The following LRRIQ1 variants were observed in gnomAD, a reference collection of about 807,000 sequenced individuals.
LRRIQ1 encodes leucine-rich repeat- and IQ domain-containing protein 1.
In LRRIQ1, 210 loss-of-function variants were observed where a neutral mutation model predicts 211.9. That is an observed-to-expected ratio of 0.99 (90% confidence interval 0.89 to 1.11). The LOEUF is 1.11. Among genes scored for constraint, LRRIQ1 ranks in the 50% most tolerant of loss-of-function variants. LRRIQ1 has a pLI of 0.00. For missense variants in LRRIQ1, 2,136 were observed against 1,939.5 expected, an observed-to-expected ratio of 1.10 and a Z score of -1.90; for synonymous variants, 699 against 650.1, an observed-to-expected ratio of 1.08 and a Z score of -1.14.
intron 19 of LRRIQ1, among the ~76,000 whole-genome samples, chr12:85,143,443 T>C (rs1889677511): frequency 6.6e-6 from 1 of 151,672 alleles, no homozygotes; most frequent in African/African-American, 2.4e-5. Context: ...TTTGCTGCAC[T>C]GGAGCTTTTT....
In LRRIQ1 at chr12:85,156,862, T is replaced by C. The variant is rs10083159; in HGVS notation, c.4720+2768T>C. ...TCAGAGAATACAAACAATTAATTAA[T>C]GTAATAAATTATGGCCTACAATCTA... On this transcript the variant is annotated intron_variant, in intron 23 of 26. Coordinates refer to ENST00000393217, the MANE Select transcript of LRRIQ1 (RefSeq NM_001079910.2). Among the ~76,000 whole-genome samples the C allele has an allele frequency of 7.6e-3, 1,157 of 151,900 alleles. 18 individuals are homozygous for C. The highest frequency in any genetic ancestry group is 0.026 in the African/African-American group (1,084 of 41,496).
intron 19 of LRRIQ1, among the ~76,000 whole-genome samples, chr12:85,140,403 A>T (rs1226719888): frequency 6.6e-6 from 1 of 151,192 alleles, no homozygotes; most frequent in Non-Finnish European, 1.5e-5. Context: ...ATTTGTTCCT[A>T]AGTATATATA....
At chr12:85,125,836 A>G (rs1888336911) in intron 17 of LRRIQ1, among the ~76,000 whole-genome samples, 1 of 152,190 alleles carries the variant, frequency 6.6e-6, no homozygotes, top group Non-Finnish European at 1.5e-5. Flanking sequence ...TCTTAATCCT[A>G]AATAAAATAG....
At chr12:85,112,956 TTC>T (rs1415471088) in intron 15 of LRRIQ1, among the ~76,000 whole-genome samples, 1 of 152,140 alleles carries the variant, frequency 6.6e-6, no homozygotes, top group African/African-American at 2.4e-5. Flanking sequence ...CAAGTTGGCA[TTC>T]TGTTTACTCA....
intron 13 of LRRIQ1, among the ~76,000 whole-genome samples, chr12:85,100,479 G>C (rs942973102): frequency 1.7e-4 from 26 of 151,530 alleles, no homozygotes; most frequent in African/African-American, 6.3e-4. Context: ...ATCTTATAAC[G>C]TTTGACTATT....
At chr12:85,078,616 A>G (rs1883929676) in intron 11 of LRRIQ1, among the ~76,000 whole-genome samples, 1 of 152,072 alleles carries the variant, frequency 6.6e-6, no homozygotes, top group African/African-American at 2.4e-5. Flanking sequence ...CAAATTTATA[A>G]CTGTTACATG....
At chr12:85,270,840 C>T in the LRRIQ1 span, among the ~76,000 whole-genome samples, 4 of 152,062 alleles carry the variant, frequency 2.6e-5, no homozygotes, top group East Asian at 3.9e-4. Context: ...CCACAGCCAG[C>T]GAGTGGTAGA....
intron 23 of LRRIQ1, among the ~76,000 whole-genome samples, chr12:85,157,842 T>A (rs1890639201): frequency 6.6e-6 from 1 of 151,674 alleles, no homozygotes; most frequent in African/African-American, 2.4e-5. Flanking sequence ...AGACCTAACA[T>A]GGATTTTTTG....
intron 24 of LRRIQ1, among the ~76,000 whole-genome samples, chr12:85,186,172 T>G (rs1892219658): frequency 6.6e-6 from 1 of 152,186 alleles, no homozygotes; most frequent in Non-Finnish European, 1.5e-5. Flanking sequence ...AGCATCTACT[T>G]GTTCAAAAGA....
At chr12:85,171,156 C>G (rs1253728274) in intron 24 of LRRIQ1, among the ~76,000 whole-genome samples, 1 of 152,038 alleles carries the variant, frequency 6.6e-6, no homozygotes, top group Non-Finnish European at 1.5e-5. Context: ...TTGAGAATTT[C>G]AGCAGGATAT....
At chr12:85,217,577 CATATGTATATAT>C (rs1565909926) in intron 24 of LRRIQ1, among the ~76,000 whole-genome samples, 1 of 38,480 alleles carries the variant, frequency 2.6e-5, no homozygotes, top group Non-Finnish European at 4.2e-5. Context: ...TGTGTGTATA[CATATGTATATAT>C]ATATGTATAT....
At chr12:85,155,335 T>C (rs1449334757) in intron 23 of LRRIQ1, among the ~76,000 whole-genome samples, 2 of 151,558 alleles carry the variant, frequency 1.3e-5, no homozygotes, top group Non-Finnish European at 3.0e-5. Context: ...TTTTGTAAGC[T>C]CCTATTAAGT....
chr12:85,154,232 A>C (rs1014401973), intron 23 of LRRIQ1, 138 bp downstream of exon 23: 3 of 400,044 alleles, frequency 7.5e-6, no homozygotes, highest in South Asian at 8.4e-5. Flanking sequence ...ACTCTGAAAA[A>C]AAATAAAACT....
chr12:85,115,597 G>A (rs768042799), intron 15 of LRRIQ1, among the ~76,000 whole-genome samples: 8 of 152,002 alleles, frequency 5.3e-5, no homozygotes, highest in Admixed American at 2.0e-4. Context: ...ACATTCCCTA[G>A]AATTGTTCCC....
chr12:85,263,530 C>A (rs1230246483), exon 2 of LRRIQ1: 1 of 151,696 alleles, frequency 6.6e-6, no homozygotes, highest in Non-Finnish European at 1.5e-5. Flanking sequence ...TGAAAATAAA[C>A]AGTGACAAAG....
rs563739237 is a variant in LRRIQ1, at chr12:85,151,163, G to A, written c.4330-1117G>A. ...TATATATATGTATATGTTAATATTC[G>A]CTACCTAGAAGAAATTTAACAATTG... On this transcript the variant is annotated intron_variant, in intron 19 of 26. Coordinates refer to ENST00000393217, the MANE Select transcript of LRRIQ1 (RefSeq NM_001079910.2). Among the ~76,000 whole-genome samples, 21 of 150,520 alleles carry A rather than the reference G, an allele frequency of 1.4e-4. 2 individuals are homozygous for A. The highest frequency in any genetic ancestry group is 4.6e-4 in the African/African-American group (19 of 41,074).
At chr12:85,050,228 G>C (rs75705825) in intron 6 of LRRIQ1, among the ~76,000 whole-genome samples, 1,806 of 151,696 alleles carry the variant, frequency 0.012, 14 homozygotes, top group Middle Eastern at 0.031. Context: ...ATTTGGGTAG[G>C]AACTAACATC....
chr12:85,090,703 T>TAGAA (rs1381569197), intron 11 of LRRIQ1, among the ~76,000 whole-genome samples: 5 of 152,222 alleles, frequency 3.3e-5, no homozygotes, highest in Non-Finnish European at 7.3e-5. Flanking sequence ...GTAAATAACT[T>TAGAA]GTTTCTGATT....
At chr12:85,054,848 T>C (rs943000565) in intron 7 of LRRIQ1, among the ~76,000 whole-genome samples, 1 of 152,152 alleles carries the variant, frequency 6.6e-6, no homozygotes, top group South Asian at 2.1e-4. Context: ...TTCTGCTGAT[T>C]AAAATATAGT....
Sources: gnomAD v4.1 joint callset for allele counts (sites outside exome capture counted in the v4.1 genomes callset) on GRCh38, gnomAD v4.1.1 for gene constraint, MANE v1.5 for transcripts, NCBI Gene and HGNC (gene_info 2026-07-23, HGNC 2026-07-21) for gene names.